SGCD: variants seen among roughly 807,000 people sequenced by gnomAD.
SGCD encodes the protein delta-sarcoglycan.
In SGCD, 18 loss-of-function variants were observed where a neutral mutation model predicts 36.6. The ratio of observed to expected loss-of-function variants is 0.49; its 90% CI spans 0.34 to 0.73. The LOEUF (loss-of-function observed/expected upper bound fraction) is 0.73. Among genes scored for constraint, SGCD ranks in the 30% least tolerant of loss-of-function variants. The pLI is 0.01. For missense variants in SGCD, 387 were observed against 346.7 expected (o/e 1.12, Z -0.92); for synonymous variants, 133 against 130.6 (o/e 1.02, Z -0.12).
chr5:155,882,601 C>T (rs1237128970), intron 1 of SGCD, among the ~76,000 whole-genome samples: 1 of 152,172 alleles, frequency 6.6e-6, no homozygotes, highest in African/African-American at 2.4e-5. Context: ...TTGTACATCC[C>T]CATCAGAGTT....
At chr5:156,689,161 C>T (rs1174324989) in intron 7 of SGCD, among the ~76,000 whole-genome samples, 1 of 152,056 alleles carries the variant, frequency 6.6e-6, no homozygotes, top group African/African-American at 2.4e-5. Flanking sequence ...ACAAACGTAC[C>T]TTGGTTATAT....
intron 1 of SGCD, among the ~76,000 whole-genome samples, chr5:156,056,659 A>C (rs575480750): frequency 4.9e-5 from 7 of 141,998 alleles, no homozygotes; most frequent in South Asian, 2.2e-4. Context: ...AAAAAAAAAA[A>C]AAAAAACAGT....
intron 3 of SGCD, among the ~76,000 whole-genome samples, chr5:156,448,649 G>A (rs755924090): frequency 6.6e-6 from 1 of 151,830 alleles, no homozygotes; most frequent in Non-Finnish European, 1.5e-5. Flanking sequence ...CCAGGGACAG[G>A]CAACTCATGG....
At chr5:156,706,794 G>C (rs1754761858) in intron 7 of SGCD, among the ~76,000 whole-genome samples, 1 of 152,092 alleles carries the variant, frequency 6.6e-6, no homozygotes, top group Admixed American at 6.6e-5. Flanking sequence ...TTCCTCTGCT[G>C]TTCTAAGGTA....
chr5:156,747,510 G>A (rs1756989747), intron 7 of SGCD, among the ~76,000 whole-genome samples: 1 of 152,142 alleles, frequency 6.6e-6, no homozygotes, highest in Admixed American at 6.5e-5. Context: ...GTAGGATTAA[G>A]TTCTCTGTAG....
chr5:156,105,839 G>T (rs1003819021), intron 1 of SGCD, among the ~76,000 whole-genome samples: 1 of 152,034 alleles, frequency 6.6e-6, no homozygotes, highest in African/African-American at 2.4e-5. Flanking sequence ...GAGGCTGGTT[G>T]CGGTGGATCA....
At chr5:156,120,251 G>A (rs1463262321) in intron 2 of SGCD, among the ~76,000 whole-genome samples, 1 of 152,118 alleles carries the variant, frequency 6.6e-6, no homozygotes, top group South Asian at 2.1e-4. Context: ...AAAGAGGTGT[G>A]TAGGGGTGGG....
At chr5:156,646,221 A>G (rs760836410) in intron 6 of SGCD, among the ~76,000 whole-genome samples, 13 of 152,150 alleles carry the variant, frequency 8.5e-5, no homozygotes, top group Non-Finnish European at 1.6e-4. Context: ...GAGCATGAGC[A>G]TCTTGTTCTT....
At chr5:156,490,045 C>T (rs191411924) in intron 3 of SGCD, among the ~76,000 whole-genome samples, 15 of 151,630 alleles carry the variant, frequency 9.9e-5, no homozygotes, top group African/African-American at 2.9e-4. Context: ...ACAACTGATC[C>T]GACACAAATG....
chr5:156,405,786 C>T (rs577369761), intron 3 of SGCD, among the ~76,000 whole-genome samples: 5 of 152,150 alleles, frequency 3.3e-5, no homozygotes, highest in African/African-American at 1.2e-4. Context: ...TTTGTCTTGC[C>T]TCCCTGGCTA....
chr5:155,820,178 T>C, the SGCD span, among the ~76,000 whole-genome samples: 3 of 152,186 alleles, frequency 2.0e-5, no homozygotes, highest in South Asian at 4.1e-4. Flanking sequence ...CTTTGAAAGG[T>C]CAAGCTTTCA....
intron 3 of SGCD, among the ~76,000 whole-genome samples, chr5:156,233,993 AT>A (rs1370368705): frequency 2.0e-5 from 3 of 152,190 alleles, no homozygotes; most frequent in African/African-American, 7.2e-5. Flanking sequence ...GTGACTTACT[AT>A]TTTACATTCT....
chr5:156,286,030 T>C (rs2127675332), intron 3 of SGCD, among the ~76,000 whole-genome samples: 1 of 152,208 alleles, frequency 6.6e-6, no homozygotes, highest in South Asian at 2.1e-4. Context: ...AACAGACACT[T>C]CTCAAAAGAA....
the SGCD span, among the ~76,000 whole-genome samples, chr5:155,737,565 A>G: frequency 6.6e-6 from 1 of 152,338 alleles, no homozygotes; most frequent in East Asian, 1.9e-4. Flanking sequence ...TGTGAAAAAC[A>G]CTTACCTAGT....
chr5:156,244,235 CA>C (rs1265813159), intron 3 of SGCD, among the ~76,000 whole-genome samples: 1 of 152,052 alleles, frequency 6.6e-6, no homozygotes, highest in Non-Finnish European at 1.5e-5. Context: ...ATACAGTCTT[CA>C]AAAGTGTCAA....
intron 6 of SGCD, among the ~76,000 whole-genome samples, chr5:156,606,808 A>C (rs1337764051): frequency 6.6e-6 from 1 of 152,192 alleles, no homozygotes; most frequent in Non-Finnish European, 1.5e-5. Context: ...TCTTTGAAGC[A>C]ATTGTGATTG....
intron 3 of SGCD, among the ~76,000 whole-genome samples, chr5:156,392,883 C>T (rs1347057781): frequency 6.6e-6 from 1 of 152,102 alleles, no homozygotes; most frequent in African/African-American, 2.4e-5. Flanking sequence ...TCCAGCCACC[C>T]ATGTGCTCCT....
intron 1 of SGCD, among the ~76,000 whole-genome samples, chr5:155,909,922 T>C (rs1166004196): frequency 6.6e-6 from 1 of 152,102 alleles, no homozygotes; most frequent in African/African-American, 2.4e-5. Context: ...TTGTTGGTAG[T>C]AAATTACAAT....
chr5:156,619,114 C>T (rs1762138093), intron 6 of SGCD, among the ~76,000 whole-genome samples: 1 of 151,900 alleles, frequency 6.6e-6, no homozygotes, highest in Non-Finnish European at 1.5e-5. Context: ...CAAGCTCCGC[C>T]TCCCAGCTTC....
Sources: gnomAD v4.1 joint callset for allele counts (sites outside exome capture counted in the v4.1 genomes callset) on GRCh38, gnomAD v4.1.1 for gene constraint, MANE v1.5 for transcripts, NCBI Gene and HGNC (gene_info 2026-07-23, HGNC 2026-07-21) for gene names.